ATP7B: variants seen among roughly 807,000 people sequenced by gnomAD.
The protein encoded by ATP7B is ATPase copper transporting beta, also known as copper-transporting ATPase 2.
In ATP7B, 113 loss-of-function variants were observed where a neutral mutation model predicts 118.9. That is an observed-to-expected ratio of 0.95 (90% CI 0.82 to 1.11). The LOEUF is 1.11. Among genes scored for constraint, ATP7B ranks in the 50% most tolerant of loss-of-function variants. The probability of loss-of-function intolerance (pLI) is 0.00; values close to 1 mark genes in which losing one functional copy is unlikely to be tolerated. For synonymous variants in ATP7B, 777 were observed against 727.4 expected, an observed-to-expected ratio of 1.07 and a Z score of -1.10; for missense variants, 1,867 against 1,871.4, an observed-to-expected ratio of 1.00 and a Z score of 0.04.
chr13:51,969,812 T>C (rs1951751169), intron 3 of ATP7B, among the ~76,000 whole-genome samples: 1 of 152,124 alleles, frequency 6.6e-6, no homozygotes, highest in African/African-American at 2.4e-5. Flanking sequence ...CTATAATGCA[T>C]AGTGAACAAG....
chr13:51,944,391 GA>G (rs1229073715), intron 13 of ATP7B, 100 bp from the exon 14 acceptor site: 41 of 1,430,042 alleles, frequency 2.9e-5, no homozygotes, highest in Middle Eastern at 1.7e-4. Context: ...CCTCAGACAG[GA>G]AACAAGACAC....
intron 1 of ATP7B, among the ~76,000 whole-genome samples, chr13:51,988,399 G>A (rs1952758433): frequency 6.6e-6 from 1 of 152,096 alleles, no homozygotes; most frequent in African/African-American, 2.4e-5. Flanking sequence ...TAAAAAGTCA[G>A]GAAACAATAG....
At chr13:51,947,174 C>A (rs1308202533) in intron 12 of ATP7B, among the ~76,000 whole-genome samples, 1 of 152,038 alleles carries the variant, frequency 6.6e-6, no homozygotes, top group Non-Finnish European at 1.5e-5. Flanking sequence ...AGCAGCACTG[C>A]AAAATTAAAA....
Position 51,975,198 on chromosome 13 carries a change from C to A in ATP7B, c.52-30G>T, listed in dbSNP as rs754514837. ...AAAGAAAAGAAATAACATTTTTTAA[C>A]CTTGAAACCAAATATTTTCTACAAC... On this transcript the variant is annotated intron_variant, in intron 1 of 20. Transcript: ENST00000242839. 4.7e-5 allele frequency: 75 copies of A among 1,610,880 alleles called. No homozygotes were observed. The East Asian group carries it at 7.4e-4, about 16-fold the overall frequency.
chr13:51,942,363 G>A (rs1957386232), intron 15 of ATP7B, 23 bp downstream of exon 15: 1 of 1,613,368 alleles, frequency 6.2e-7, no homozygotes, highest in African/African-American at 1.3e-5. Context: ...TTAACCAGCT[G>A]CAGAGACAAA....
Position 51,974,983 on chromosome 13 carries a change from C to G in ATP7B, c.237G>C (p.Arg79Ser). ...CQSCVKSIED[R>S]ISNLKGIISM... Reference sequence around the variant, plus strand: ...TGATGATGCCTTTCAAATTGGAAATCCTGTCCTCAATGGACTTCACACATG... The same window carrying G: ...TGATGATGCCTTTCAAATTGGAAATGCTGTCCTCAATGGACTTCACACATG... The change falls in exon 2 of 21, where the codon AGG becomes AGC. Residue 79 changes from arginine (R) to serine (S), a missense_variant. Transcript: ENST00000242839. 1.9e-6 allele frequency: 3 copies of G among 1,614,222 alleles called. No individual in the cohort carries two copies. Among genetic ancestry groups the G allele is most frequent in the Non-Finnish European group, 2.5e-6 (3 of 1,180,054 alleles).
chr13:51,994,947 A>T (rs1165030784), intron 1 of ATP7B, among the ~76,000 whole-genome samples: 1 of 152,226 alleles, frequency 6.6e-6, no homozygotes, highest in African/African-American at 2.4e-5. Flanking sequence ...TAAGAAAAGG[A>T]ACTTCATTTT....
At chr13:51,942,272 T>C (rs1197115522) in intron 15 of ATP7B, 114 bp downstream of exon 15, 4 of 1,523,000 alleles carry the variant, frequency 2.6e-6, no homozygotes, top group South Asian at 1.1e-5. Context: ...CTTGGGTGCC[T>C]TAGCCATGAA....
chr13:51,998,170 C>A (rs943726547), intron 1 of ATP7B, among the ~76,000 whole-genome samples: 5 of 152,266 alleles, frequency 3.3e-5, no homozygotes, highest in African/African-American at 9.6e-5. Flanking sequence ...TCACTAATGT[C>A]AACATCAGGG....
chr13:51,991,178 G>A (rs1297489528), intron 1 of ATP7B, among the ~76,000 whole-genome samples: 1 of 151,842 alleles, frequency 6.6e-6, no homozygotes, highest in Admixed American at 6.6e-5. Flanking sequence ...AGTCCACCAC[G>A]TAACAACCTT....
At chr13:51,983,825 T>C (rs111676166) in intron 1 of ATP7B, among the ~76,000 whole-genome samples, 2 of 152,140 alleles carry the variant, frequency 1.3e-5, no homozygotes, top group African/African-American at 4.8e-5. Context: ...GGGACCTGAC[T>C]GTTAGAAGGA....
At chr13:51,948,609 G>T (rs1957806388) in intron 12 of ATP7B, among the ~76,000 whole-genome samples, 4 of 152,058 alleles carry the variant, frequency 2.6e-5, no homozygotes, top group Admixed American at 1.3e-4. Context: ...TTTGTTGTAG[G>T]GCCTGTGATG....
chr13:51,998,281 G>C (rs578024354), intron 1 of ATP7B, among the ~76,000 whole-genome samples: 4 of 152,196 alleles, frequency 2.6e-5, no homozygotes, highest in Non-Finnish European at 5.9e-5. Flanking sequence ...GATGCCTATG[G>C]GCATGTGCTC....
At position 51,950,092 on chromosome 13, in the gene ATP7B, G is replaced by C; in HGVS notation, c.2645C>G (p.Ser882Cys). 6.2e-7 allele frequency: 1 copy of C among 1,614,206 alleles called. No individual in the cohort carries two copies. The highest frequency in any genetic ancestry group is 2.2e-5 in the East Asian group (1 of 44,890). ...CACGTGGGTAGCTTTAATGAGCACAGAGCCATGTGCATTTATAGACCCCGC... is the reference window on the plus strand; with the variant it reads ...CACGTGGGTAGCTTTAATGAGCACACAGCCATGTGCATTTATAGACCCCGC... ...VIAGSINAHG[S>C]VLIKATHVGN... The change falls in exon 11 of 21, where the codon TCT (serine) becomes TGT (cysteine). Residue 882 changes from serine to cysteine, a missense_variant. Coordinates refer to ENST00000242839, the MANE Select transcript of ATP7B (RefSeq NM_000053.4).
chr13:51,966,910 G>T (rs759632407), intron 4 of ATP7B: 11 of 1,613,082 alleles, frequency 6.8e-6, no homozygotes, highest in Non-Finnish European at 9.3e-6. Context: ...CACAAAAACC[G>T]AGAGCACTTT....
rs148424714 is a variant in ATP7B, at chr13:51,984,763, G to A, written c.52-9595C>T. ...CAGAAGAGAATAGGGGCCAATATTCGACATTCTTAAAGAAAATAATTTTCA... is the reference window on the plus strand; with the variant it reads ...CAGAAGAGAATAGGGGCCAATATTCAACATTCTTAAAGAAAATAATTTTCA... On this transcript the variant is annotated intron_variant, in intron 1 of 20. Transcript: ENST00000242839. Among the ~76,000 whole-genome samples, 1,199 of 152,194 alleles carry A rather than the reference G, an allele frequency of 7.9e-3. 13 individuals are homozygous for A. The highest frequency in any genetic ancestry group is 0.02 in the Middle Eastern group (6 of 294).
intron 9 of ATP7B, among the ~76,000 whole-genome samples, chr13:51,954,987 A>G (rs1385752603): frequency 6.6e-6 from 1 of 152,204 alleles, no homozygotes; most frequent in African/African-American, 2.4e-5. Flanking sequence ...ATGGAGACTA[A>G]GCAGCAGCAG....
Position 51,933,974 on chromosome 13 carries a change from T to C in ATP7B, c.*782A>G, listed in dbSNP as rs1956825340. 6.6e-6 allele frequency: 1 copy of C among 152,416 alleles called. No individual in the cohort carries two copies. Among genetic ancestry groups the C allele is most frequent in the Admixed American group, 6.5e-5 (1 of 15,308 alleles). The allele number at this position is 152,416 out of a possible 1,614,324, so 9.4% of individuals were successfully genotyped here. A position where few individuals can be genotyped will look rare whatever the true frequency, so the allele number is the denominator to read the frequency against. On this transcript the variant is annotated 3_prime_UTR_variant, in exon 21 of 21. Transcript: ENST00000242839. The stretch of plus-strand genomic sequence containing the variant: ...CTCCAGCTGGTCAGCAACAACACTC[T>C]ATTGAGAAGCCAACACTCCATGGAG...
At position 52,007,625 on chromosome 13, in the gene ATP7B, C is replaced by T. The variant is rs751235898; in HGVS notation, c.51+3662G>A. Among the ~76,000 whole-genome samples the T allele has an allele frequency of 5.9e-5, 9 of 152,138 alleles. No individual in the cohort carries two copies. In the South Asian group the frequency reaches 6.2e-4, roughly 11 times the overall value. The stretch of plus-strand genomic sequence containing the variant: ...GGTGCCCTACAATTCAATTCAATTC[C>T]GACACCAACCATCTGGAGTTAGCAC... On this transcript the variant is annotated intron_variant, in intron 1 of 20. Transcript: ENST00000242839.
Sources: gnomAD v4.1 joint callset for allele counts (sites outside exome capture counted in the v4.1 genomes callset) on GRCh38, gnomAD v4.1.1 for gene constraint, MANE v1.5 for transcripts, NCBI Gene and HGNC (gene_info 2026-07-23, HGNC 2026-07-21) for gene names.